The following DCAF5 variants were observed in gnomAD, a reference collection of about 807,000 sequenced individuals.
The protein encoded by DCAF5 is DDB1- and CUL4-associated factor 5.
In DCAF5, 9 loss-of-function variants were observed where a neutral mutation model predicts 80.7. That is an observed-to-expected ratio of 0.11 (90% CI 0.07 to 0.19). DCAF5 has a LOEUF of 0.19. Ranked by LOEUF, DCAF5 falls within the 10% of genes least tolerant of loss-of-function variation. The pLI is 1.00. For missense variants in DCAF5, 842 were observed against 1,205.7 expected, an observed-to-expected ratio of 0.70 and a Z score of 4.47; for synonymous variants, 433 against 461.9, an observed-to-expected ratio of 0.94 and a Z score of 0.80.
At chr14:69,063,525 T>C (rs1196649830) in intron 7 of DCAF5, among the ~76,000 whole-genome samples, 1 of 152,320 alleles carries the variant, frequency 6.6e-6, no homozygotes, top group South Asian at 2.1e-4. Flanking sequence ...GGATCCCCTC[T>C]TAGTCCCTAC....
chr14:69,149,474 G>C (rs1350641751), intron 1 of DCAF5: 1 of 152,126 alleles, frequency 6.6e-6, no homozygotes, highest in African/African-American at 2.4e-5. Flanking sequence ...AATATCTGCT[G>C]GCCTCACTGT....
chr14:69,090,011 A>G, intron 6 of DCAF5: 2 of 985,446 alleles, frequency 2.0e-6, no homozygotes, highest in Non-Finnish European at 2.4e-6. Context: ...TTGTTGCTAA[A>G]CACAACCTGA....
chr14:69,150,993 C>T (rs1033080479), intron 1 of DCAF5, among the ~76,000 whole-genome samples: 14 of 152,112 alleles, frequency 9.2e-5, no homozygotes, highest in African/African-American at 3.1e-4. Context: ...AAGAGTACCC[C>T]CAAACTCCCT....
chr14:69,069,254 C>T (rs1164962261), intron 7 of DCAF5, among the ~76,000 whole-genome samples: 1 of 152,170 alleles, frequency 6.6e-6, no homozygotes, highest in Non-Finnish European at 1.5e-5. Context: ...GGGGTGGTTA[C>T]AGTGACTCGG....
intron 5 of DCAF5, among the ~76,000 whole-genome samples, chr14:69,104,880 CA>C (rs1489090042): frequency 6.6e-6 from 1 of 151,294 alleles, no homozygotes. Context: ...AAGTGAGAGA[CA>C]GGGGTACCTA....
chr14:69,150,892 C>T (rs1350269434), intron 1 of DCAF5, among the ~76,000 whole-genome samples: 1 of 152,074 alleles, frequency 6.6e-6, no homozygotes, highest in Non-Finnish European at 1.5e-5. Flanking sequence ...GATACCCTGT[C>T]TCAAATAAAT....
intron 1 of DCAF5, among the ~76,000 whole-genome samples, chr14:69,134,828 C>T (rs2041141415): frequency 1.3e-5 from 2 of 152,120 alleles, no homozygotes; most frequent in Non-Finnish European, 2.9e-5. Context: ...TACATTGGTC[C>T]AAGTGTAAAT....
intron 1 of DCAF5, among the ~76,000 whole-genome samples, chr14:69,139,001 A>G (rs892587205): frequency 2.6e-5 from 4 of 151,742 alleles, no homozygotes; most frequent in African/African-American, 9.7e-5. Flanking sequence ...AATTTAAAAA[A>G]TTAGTCAGGT....
In DCAF5 at chr14:69,152,047, G is replaced by A. The variant is rs767379442; in HGVS notation, c.214+718C>T. Among the ~76,000 whole-genome samples the A allele has an allele frequency of 6.6e-6, 1 of 152,174 alleles. No individual in the cohort carries two copies. The highest frequency in any genetic ancestry group is 1.9e-4 in the East Asian group (1 of 5,174). On this transcript the variant is annotated intron_variant, in intron 1 of 8. Transcript: ENST00000341516. This position sits in a 1 kb window ranked among gnomAD's most constrained non-coding sequence, Gnocchi z 4.1. ...GGTCCCCCACCCTACCGCCTGCCTC[G>A]CAAGTTGCGCATTCAAGTTCAGGCT...
rs759247077 is a variant in DCAF5 at position 69,152,983 on chromosome 14, G to C, written c.-5C>G. On this transcript the variant is annotated 5_prime_UTR_variant, in exon 1 of 9. Coordinates refer to ENST00000341516, the MANE Select transcript of DCAF5 (RefSeq NM_003861.3). This position sits in a 1 kb window ranked among gnomAD's most constrained non-coding sequence, Gnocchi z 4.1. The stretch of plus-strand genomic sequence containing the variant: ...CAGGCCAGCTCTCCTCTTCATGCTG[G>C]AACCGCCGCCGCCGCCGCTCGCGCC... 2 of 1,562,036 alleles carry C rather than the reference G, an allele frequency of 1.3e-6. No homozygotes were observed. Among genetic ancestry groups the C allele is most frequent in the Admixed American group, 3.8e-5 (2 of 52,358 alleles).
At position 69,119,178 on chromosome 14, in the gene DCAF5, C is replaced by G; in HGVS notation, c.395+16G>C. 6.2e-7 allele frequency: 1 copy of G among 1,612,106 alleles called. No homozygotes were observed. The highest frequency in any genetic ancestry group is 1.3e-5 in the African/African-American group (1 of 74,932). ...AAACAAAGTCAATCACCTTCACACA[C>G]CACCAATCTATTTACCTTTCAACAT... On this transcript the variant is annotated intron_variant, in intron 3 of 8. Transcript: ENST00000341516.
At chr14:69,147,631 T>G (rs190864606) in intron 1 of DCAF5, among the ~76,000 whole-genome samples, 2 of 152,314 alleles carry the variant, frequency 1.3e-5, no homozygotes, top group East Asian at 3.9e-4. Flanking sequence ...ATGATCAATA[T>G]GGTCAGAGAC....
chr14:69,108,383 A>G (rs886190346), intron 5 of DCAF5, among the ~76,000 whole-genome samples: 1 of 152,198 alleles, frequency 6.6e-6, no homozygotes, highest in Non-Finnish European at 1.5e-5. Context: ...AGCATCCTCT[A>G]TGTGTATGTG....
chr14:69,063,202 A>G lies in DCAF5; in HGVS notation c.947-691T>C, dbSNP rs559387909. Among the ~76,000 whole-genome samples the G allele has an allele frequency of 2.6e-5, 4 of 152,372 alleles. No individual in the cohort carries two copies. The South Asian group carries it at 8.3e-4, about 32-fold the overall frequency. On this transcript the variant is annotated intron_variant, in intron 7 of 8. Transcript: ENST00000341516. ...ATGTATAGATTAAAGTCAAGAGGAC[A>G]TCGATAGAAAGCTGTATTTTAAGGA...
At position 69,124,604 on chromosome 14, in the gene DCAF5, T is replaced by C. The variant is rs373679010; in HGVS notation, c.215-2244A>G. The stretch of plus-strand genomic sequence containing the variant: ...CTTTATGATTGGCCTATTTCAACTA[T>C]GAGTTCTCTGGCCTAGGATAGTATC... On this transcript the variant is annotated intron_variant, in intron 1 of 8. Coordinates refer to ENST00000341516, the MANE Select transcript of DCAF5 (RefSeq NM_003861.3). Among the ~76,000 whole-genome samples, 25 of 152,368 alleles carry C rather than the reference T, an allele frequency of 1.6e-4. 1 individual carries two copies. In the South Asian group the frequency reaches 5.2e-3, roughly 32 times the overall value.
At chr14:69,111,189 T>C (rs2040353261) in intron 5 of DCAF5, among the ~76,000 whole-genome samples, 1 of 152,208 alleles carries the variant, frequency 6.6e-6, no homozygotes, top group South Asian at 2.1e-4. Context: ...GTGGCAGAGA[T>C]TGTCTGGCTT....
chr14:69,088,853 T>A (rs565001087), intron 6 of DCAF5, among the ~76,000 whole-genome samples: 1 of 152,302 alleles, frequency 6.6e-6, no homozygotes, highest in East Asian at 1.9e-4. Context: ...TCTAGACTCA[T>A]CAAAGAATAT....
In DCAF5 at chr14:69,052,538, C is replaced by T. The variant is rs2037794882; in HGVS notation, c.*1319G>A. On this transcript the variant is annotated 3_prime_UTR_variant, in exon 9 of 9. Coordinates refer to ENST00000341516, the MANE Select transcript of DCAF5 (RefSeq NM_003861.3). The stretch of plus-strand genomic sequence containing the variant: ...TCCCAGACCTTCCTGTTTTGCACAA[C>T]CCTTCATAGATAACCGAGTGACTGC... 1 of 152,646 alleles carries T rather than the reference C, an allele frequency of 6.6e-6. No individual in the cohort carries two copies. Among genetic ancestry groups the T allele is most frequent in the Admixed American group, 6.5e-5 (1 of 15,290 alleles). 9.5% of individuals were successfully genotyped at this position (152,646 alleles called of 1,614,324 possible).
chr14:69,073,771 G>A lies in DCAF5; in HGVS notation c.946+1574C>T, dbSNP rs149935366. ...ACATTCCAGAGAATAGTCCTGGGGAGAAGAAGGATTATCCACATTCTATTT... is the reference window on the plus strand; with the variant it reads ...ACATTCCAGAGAATAGTCCTGGGGAAAAGAAGGATTATCCACATTCTATTT... On this transcript the variant is annotated intron_variant, in intron 7 of 8. Coordinates refer to ENST00000341516, the MANE Select transcript of DCAF5 (RefSeq NM_003861.3). Among the ~76,000 whole-genome samples, 500 of 152,298 alleles carry A rather than the reference G, an allele frequency of 3.3e-3. 2 individuals carry two copies. The highest frequency in any genetic ancestry group is 0.017 in the South Asian group (83 of 4,820).
Sources: allele counts gnomAD v4.1 joint callset (sites outside exome capture counted in the v4.1 genomes callset), GRCh38; gene constraint gnomAD v4.1.1; non-coding constraint Gnocchi (gnomAD v3.1); transcripts MANE v1.5; gene names NCBI Gene and HGNC (gene_info 2026-07-23, HGNC 2026-07-21).